GLRA3: variants seen among roughly 807,000 people sequenced by gnomAD.
GLRA3 encodes the protein glycine receptor subunit alpha-3.
In GLRA3, 44 loss-of-function variants were observed where a neutral mutation model predicts 60.4. The ratio of observed to expected loss-of-function variants is 0.73; its 90% CI spans 0.57 to 0.94. The LOEUF is 0.94. Among genes scored for constraint, GLRA3 ranks in the 40% least tolerant of loss-of-function variants. The probability of loss-of-function intolerance (pLI) is 0.00; values close to 1 mark genes in which losing one functional copy is unlikely to be tolerated. For synonymous variants in GLRA3, 223 were observed against 192.9 expected (o/e 1.16, Z -1.29); for missense variants, 508 against 564.6 (o/e 0.90, Z 1.02).
intron 1 of GLRA3, among the ~76,000 whole-genome samples, chr4:174,826,283 T>A (rs896610781): frequency 2.0e-5 from 3 of 152,200 alleles, no homozygotes; most frequent in Non-Finnish European, 4.4e-5. Flanking sequence ...TGCAACAAGA[T>A]GGATAAATCA....
At chr4:174,809,491 G>A (rs552728762) in intron 1 of GLRA3, among the ~76,000 whole-genome samples, 43 of 152,262 alleles carry the variant, frequency 2.8e-4, no homozygotes, top group Non-Finnish European at 5.7e-4. Context: ...TCAGCACTTT[G>A]GGAAGCCAAA....
chr4:174,736,070 GA>G (rs1276383509), intron 3 of GLRA3, among the ~76,000 whole-genome samples: 5 of 152,114 alleles, frequency 3.3e-5, no homozygotes, highest in Non-Finnish European at 5.9e-5. Context: ...GTAATGGGAA[GA>G]AAATTTTTTG....
At chr4:174,692,223 G>A (rs1269248439) in intron 5 of GLRA3, among the ~76,000 whole-genome samples, 1 of 150,744 alleles carries the variant, frequency 6.6e-6, no homozygotes, top group Non-Finnish European at 1.5e-5. Flanking sequence ...AGGGAGGTGG[G>A]GGTCAGCCCC....
At position 174,692,869 on chromosome 4, in the gene GLRA3, T is replaced by C. The variant is rs574406825; in HGVS notation, c.575-9930A>G. 2.0e-5 allele frequency among the ~76,000 whole-genome samples: 3 copies of C among 151,904 alleles called. No homozygotes were observed. The South Asian group carries it at 6.2e-4, about 32-fold the overall frequency. ...TTGTTCACTTGTTTATCTGCTGACC[T>C]TCCCTCCACTATTGTCCTGTGACCC... On this transcript the variant is annotated intron_variant, in intron 5 of 9. Transcript: ENST00000274093.
chr4:174,762,487 G>T lies in GLRA3; in HGVS notation c.267+4476C>A, dbSNP rs374845681. ...TTTTCTTCAAGATTATTCATTTTTG[G>T]TTCTTATAACTAGGTATTTTAAGTA... On this transcript the variant is annotated intron_variant, in intron 3 of 9. Transcript: ENST00000274093. Among the ~76,000 whole-genome samples, 12 of 152,042 alleles carry T rather than the reference G, an allele frequency of 7.9e-5. No individual in the cohort carries two copies. In the South Asian group the frequency reaches 2.5e-3, roughly 32 times the overall value.
At chr4:174,646,045 C>T (rs7654403) in intron 9 of GLRA3, among the ~76,000 whole-genome samples, 77,944 of 151,952 alleles carry the variant, frequency 0.51, 21,495 homozygotes, top group African/African-American at 0.72. Context: ...ACTATAGCAA[C>T]CTATGTGTTA....
chr4:174,719,570 A>G (rs1004715542), intron 4 of GLRA3, among the ~76,000 whole-genome samples: 6 of 152,200 alleles, frequency 3.9e-5, no homozygotes, highest in African/African-American at 1.2e-4. Flanking sequence ...ATATATTTGA[A>G]TGATTTGGTA....
At position 174,651,152 on chromosome 4, in the gene GLRA3, C is replaced by T. The variant is rs562366558; in HGVS notation, c.1116+5591G>A. ...GGCTTCTCAGATAGATCTCACTGAA[C>T]AAAGGAACACATTTTAGCCCAAAAT... On this transcript the variant is annotated intron_variant, in intron 9 of 9. Transcript: ENST00000274093. Among the ~76,000 whole-genome samples the T allele has an allele frequency of 4.5e-4, 68 of 152,230 alleles. 1 individual carries two copies. Among genetic ancestry groups the T allele is most frequent in the African/African-American group, 1.6e-3 (67 of 41,542 alleles).
intron 3 of GLRA3, among the ~76,000 whole-genome samples, chr4:174,754,801 T>A (rs911894968): frequency 6.6e-6 from 1 of 152,140 alleles, no homozygotes; most frequent in African/African-American, 2.4e-5. Context: ...AGTTGCACCC[T>A]AATATTTTTG....
chr4:174,765,384 A>G (rs958550075), intron 3 of GLRA3, among the ~76,000 whole-genome samples: 3 of 152,016 alleles, frequency 2.0e-5, no homozygotes, highest in Non-Finnish European at 4.4e-5. Flanking sequence ...CCCCATAAAG[A>G]TGGGTAAGAC....
intron 2 of GLRA3, among the ~76,000 whole-genome samples, chr4:174,778,753 G>A (rs887064349): frequency 2.0e-5 from 3 of 152,196 alleles, no homozygotes; most frequent in South Asian, 2.1e-4. Context: ...CGAATACTGC[G>A]CTTTTCCGAC....
At chr4:174,820,575 G>T (rs1249929127) in intron 1 of GLRA3, among the ~76,000 whole-genome samples, 4 of 152,158 alleles carry the variant, frequency 2.6e-5, no homozygotes, top group African/African-American at 9.7e-5. Flanking sequence ...TCCTCACCTA[G>T]ACTTTAGGGA....
intron 6 of GLRA3, among the ~76,000 whole-genome samples, chr4:174,681,644 G>A (rs1343303250): frequency 3.9e-5 from 6 of 152,090 alleles, no homozygotes; most frequent in Non-Finnish European, 8.8e-5. Flanking sequence ...GGAAAGCACG[G>A]CCCTGCTGAC....
intron 3 of GLRA3, among the ~76,000 whole-genome samples, chr4:174,744,766 C>A (rs1737172014): frequency 1.3e-5 from 2 of 152,008 alleles, no homozygotes; most frequent in South Asian, 4.1e-4. Flanking sequence ...ATGACGCCTT[C>A]AAGGGAACAC....
chr4:174,678,980 A>C (rs1561050061), intron 6 of GLRA3, among the ~76,000 whole-genome samples: 2 of 152,172 alleles, frequency 1.3e-5, no homozygotes, highest in Non-Finnish European at 2.9e-5. Flanking sequence ...CAAGGAAAAA[A>C]ATAAGCTCCA....
intron 6 of GLRA3, among the ~76,000 whole-genome samples, chr4:174,679,250 G>A (rs1734245689): frequency 6.6e-6 from 1 of 152,116 alleles, no homozygotes; most frequent in African/African-American, 2.4e-5. Context: ...AGAATGGTGT[G>A]AACCTGCTTG....
At chr4:174,715,181 A>G (rs184680589) in intron 5 of GLRA3, among the ~76,000 whole-genome samples, 40 of 152,322 alleles carry the variant, frequency 2.6e-4, no homozygotes, top group Admixed American at 2.4e-3. Flanking sequence ...CTCCCAATAA[A>G]TAAGTGATAG....
intron 5 of GLRA3, 56 bp from the exon 6 acceptor site, chr4:174,682,995 A>T: frequency 2.2e-6 from 3 of 1,391,902 alleles, no homozygotes; most frequent in Non-Finnish European, 3.0e-6. Flanking sequence ...CAAAGAAAAG[A>T]AATGCAAATT....
intron 1 of GLRA3, among the ~76,000 whole-genome samples, chr4:174,798,793 G>A (rs1296956642): frequency 2.0e-5 from 3 of 152,140 alleles, no homozygotes; most frequent in Non-Finnish European, 4.4e-5. Context: ...GTGTGGTGGT[G>A]AGCGCCTGTA....
Sources: gnomAD v4.1 joint callset for allele counts (sites outside exome capture counted in the v4.1 genomes callset) on GRCh38, gnomAD v4.1.1 for gene constraint, MANE v1.5 for transcripts, NCBI Gene and HGNC (gene_info 2026-07-23, HGNC 2026-07-21) for gene names.